FUT8: variants seen among roughly 807,000 people sequenced by gnomAD.
FUT8 encodes the protein fucosyltransferase 8.
FUT8 carries 29 observed loss-of-function variants against 71.3 expected under a neutral mutation model. The ratio of observed to expected loss-of-function variants is 0.41; its 90% CI spans 0.30 to 0.55. The LOEUF (loss-of-function observed/expected upper bound fraction) is 0.55. Among genes scored for constraint, FUT8 ranks in the 20% least tolerant of loss-of-function variants. The pLI is 0.34. For synonymous variants in FUT8, 254 were observed against 239.3 expected (o/e 1.06, Z -0.57); for missense variants, 544 against 702.1 (o/e 0.77, Z 2.55).
intron 2 of FUT8, among the ~76,000 whole-genome samples, chr14:65,556,080 G>A (rs1048125439): frequency 6.6e-6 from 1 of 152,196 alleles, no homozygotes; most frequent in Non-Finnish European, 1.5e-5. Flanking sequence ...CACATGAAGT[G>A]AAGATCAGGC....
At chr14:65,376,054 G>A in the FUT8 span, among the ~76,000 whole-genome samples, 1 of 151,438 alleles carries the variant, frequency 6.6e-6, no homozygotes, top group Non-Finnish European at 1.5e-5. Context: ...TCATGCCACT[G>A]CACTCCAGCC....
intron 9 of FUT8, among the ~76,000 whole-genome samples, chr14:65,727,296 A>G (rs1895733409): frequency 6.6e-6 from 1 of 152,146 alleles, no homozygotes; most frequent in Non-Finnish European, 1.5e-5. Flanking sequence ...GCCCTAGCAG[A>G]GGTTTTCCAT....
the FUT8 span, among the ~76,000 whole-genome samples, chr14:65,387,064 A>G: frequency 6.6e-6 from 1 of 151,886 alleles, no homozygotes; most frequent in Non-Finnish European, 1.5e-5. Flanking sequence ...CTGGTCTTGA[A>G]CTTCTGACCT....
chr14:65,394,166 T>C, the FUT8 span, among the ~76,000 whole-genome samples: 9 of 152,106 alleles, frequency 5.9e-5, no homozygotes, highest in African/African-American at 9.7e-5. Flanking sequence ...TCTATGTTGG[T>C]CAGGCTAGTA....
At chr14:65,474,144 G>C (rs1280832024) in intron 2 of FUT8, among the ~76,000 whole-genome samples, 1 of 151,906 alleles carries the variant, frequency 6.6e-6, no homozygotes, top group Non-Finnish European at 1.5e-5. Flanking sequence ...ACTGAGACGC[G>C]GGGAGAATAG....
intron 2 of FUT8, among the ~76,000 whole-genome samples, chr14:65,533,523 T>C (rs373839004): frequency 4.6e-5 from 7 of 152,180 alleles, no homozygotes; most frequent in Non-Finnish European, 1.0e-4. Context: ...AAACTTTGCT[T>C]AAGTTGTTCA....
chr14:65,731,044 G>GC (rs750081740), intron 9 of FUT8, among the ~76,000 whole-genome samples: 3 of 152,194 alleles, frequency 2.0e-5, no homozygotes, highest in Non-Finnish European at 4.4e-5. Flanking sequence ...GTATTTGGTT[G>GC]CCCTGTGAAA....
At chr14:65,676,397 A>G (rs11846827) in intron 7 of FUT8, among the ~76,000 whole-genome samples, 8,904 of 152,294 alleles carry the variant, frequency 0.058, 313 homozygotes, top group Admixed American at 0.11. Flanking sequence ...TGTCTGGGCC[A>G]CATAGCCTTG....
rs1896540874 is a variant in FUT8, at chr14:65,742,255, C to T, written c.1573C>T (p.Pro525Ser). ...AACTGCAGATGAAATTCCCATGGAACCTGGAGATATCATTGGTGTGGCTGG... is the reference window on the plus strand; with the variant it reads ...AACTGCAGATGAAATTCCCATGGAATCTGGAGATATCATTGGTGTGGCTGG... ...PRTADEIPMEPGDIIGVAGNH... is the reference protein window; with the variant it reads ...PRTADEIPMESGDIIGVAGNH... The change falls in exon 11 of 11, where the codon CCT becomes TCT. Residue 525 changes from proline to serine, a missense_variant. Physicochemically the swap from Pro to Ser is moderately conservative, Grantham distance 74. Transcript: ENST00000673929. 2 of 1,612,934 alleles carry T rather than the reference C, an allele frequency of 1.2e-6. No individual in the cohort carries two copies. The highest frequency in any genetic ancestry group is 3.3e-5 in the Admixed American group (2 of 59,830).
chr14:65,484,361 G>T (rs1283822722), intron 2 of FUT8, among the ~76,000 whole-genome samples: 1 of 152,172 alleles, frequency 6.6e-6, no homozygotes, highest in South Asian at 2.1e-4. Context: ...AATTAAGTAT[G>T]ATGTTGTAGA....
intron 1 of FUT8, among the ~76,000 whole-genome samples, chr14:65,448,070 A>G (rs910702258): frequency 6.6e-6 from 1 of 152,228 alleles, no homozygotes; most frequent in East Asian, 1.9e-4. Context: ...GTGTTAGGTC[A>G]TAAGACCCCT....
chr14:65,609,682 T>C (rs1888778109), intron 3 of FUT8, among the ~76,000 whole-genome samples: 1 of 151,890 alleles, frequency 6.6e-6, no homozygotes, highest in South Asian at 2.1e-4. Flanking sequence ...TTAAAAACTT[T>C]TTTTAAATTT....
intron 2 of FUT8, among the ~76,000 whole-genome samples, chr14:65,535,156 A>G (rs1218296815): frequency 6.6e-6 from 1 of 151,350 alleles, no homozygotes; most frequent in Non-Finnish European, 1.5e-5. Context: ...CTGGAATGCT[A>G]TGGCACGATC....
At chr14:65,543,543 T>A (rs889185939) in intron 2 of FUT8, among the ~76,000 whole-genome samples, 17 of 151,920 alleles carry the variant, frequency 1.1e-4, no homozygotes, top group Admixed American at 5.2e-4. Flanking sequence ...AGTGTTTTTT[T>A]AAAAAAAACA....
At chr14:65,687,237 T>A (rs1893334886) in intron 7 of FUT8, among the ~76,000 whole-genome samples, 1 of 152,242 alleles carries the variant, frequency 6.6e-6, no homozygotes, top group South Asian at 2.1e-4. Context: ...TACTAGGATA[T>A]CATCCTTTTT....
At chr14:65,446,429 A>G (rs970326517) in intron 1 of FUT8, among the ~76,000 whole-genome samples, 1 of 152,236 alleles carries the variant, frequency 6.6e-6, no homozygotes, top group African/African-American at 2.4e-5. Flanking sequence ...GTTAGCAGCC[A>G]TTGATACTCA....
At chr14:65,389,558 C>T in the FUT8 span, among the ~76,000 whole-genome samples, 1 of 152,076 alleles carries the variant, frequency 6.6e-6, no homozygotes, top group Non-Finnish European at 1.5e-5. Context: ...ACTGATCCAC[C>T]TACCTCAGCC....
chr14:65,517,012 C>A (rs1233518209), intron 2 of FUT8, among the ~76,000 whole-genome samples: 1 of 151,476 alleles, frequency 6.6e-6, no homozygotes, highest in Non-Finnish European at 1.5e-5. Flanking sequence ...ATAATGTCTT[C>A]AAGGTTCATC....
chr14:65,729,598 C>G (rs1429144723), intron 9 of FUT8, among the ~76,000 whole-genome samples: 1 of 151,490 alleles, frequency 6.6e-6, no homozygotes, highest in African/African-American at 2.4e-5. Context: ...TCACGGTAGC[C>G]TCGACCTCCT....
Sources: allele counts gnomAD v4.1 joint callset (sites outside exome capture counted in the v4.1 genomes callset), GRCh38; gene constraint gnomAD v4.1.1; transcripts MANE v1.5; gene names NCBI Gene and HGNC (gene_info 2026-07-23, HGNC 2026-07-21).